Variants in CLIC5 observed in about 807,000 individuals in gnomAD.
CLIC5 encodes the protein chloride intracellular channel protein 5.
CLIC5 carries 20 observed loss-of-function variants against 24.7 expected under a neutral mutation model. The ratio of observed to expected loss-of-function variants is 0.81; its 90% CI spans 0.57 to 1.18. CLIC5 has a LOEUF of 1.18. CLIC5 is among the 50% of genes most tolerant of loss of function. CLIC5 has a pLI of 0.00. For missense variants in CLIC5, 341 were observed against 326.1 expected, an observed-to-expected ratio of 1.05 and a Z score of -0.35; for synonymous variants, 159 against 135.6, an observed-to-expected ratio of 1.17 and a Z score of -1.20.
At chr6:46,124,811 C>T in the CLIC5 span, among the ~76,000 whole-genome samples, 2 of 152,096 alleles carry the variant, frequency 1.3e-5, no homozygotes, top group Non-Finnish European at 2.9e-5. Context: ...ACGCAGCCAA[C>T]AGACACATGA....
intron 6 of CLIC5, among the ~76,000 whole-genome samples, chr6:45,889,579 GA>G (rs759983174): frequency 4.6e-5 from 7 of 152,152 alleles, no homozygotes; most frequent in Non-Finnish European, 1.0e-4. Context: ...GAACAATCTG[GA>G]AAAAGTACAA....
At chr6:46,081,661 C>T (rs1762921812), upstream of CLIC5, among the ~76,000 whole-genome samples, 1 of 152,134 alleles carries the variant, frequency 6.6e-6, no homozygotes, top group Admixed American at 6.5e-5. Flanking sequence ...GAATGGATTC[C>T]AGTTCAAATC....
At chr6:45,906,975 G>T in intron 5 of CLIC5, among the ~76,000 whole-genome samples, 1 of 152,214 alleles carries the variant, frequency 6.6e-6, no homozygotes, top group Admixed American at 6.5e-5. Context: ...TAAAGAGAGA[G>T]AATGTGACTT....
At chr6:46,129,791 T>C in the CLIC5 span, 7 of 152,302 alleles carry the variant, frequency 4.6e-5, no homozygotes, top group East Asian at 7.7e-4. Context: ...ATACGAAAAG[T>C]GCGTGGTGGG....
At chr6:45,977,159 C>T (rs1561978594) in intron 1 of CLIC5, among the ~76,000 whole-genome samples, 1 of 151,968 alleles carries the variant, frequency 6.6e-6, no homozygotes, top group African/African-American at 2.4e-5. Flanking sequence ...CCTTGAATAA[C>T]AAGGATTATA....
intron 1 of CLIC5, among the ~76,000 whole-genome samples, chr6:45,956,220 A>C (rs1764636738): frequency 1.3e-5 from 2 of 152,212 alleles, no homozygotes; most frequent in African/African-American, 4.8e-5. Context: ...CAAACAAAAA[A>C]GGTTGGGGAA....
chr6:46,114,226 G>C, the CLIC5 span, among the ~76,000 whole-genome samples: 1 of 152,054 alleles, frequency 6.6e-6, no homozygotes, highest in East Asian at 1.9e-4. Context: ...TCTTTGTCTA[G>C]TTTGTCCGCT....
chr6:46,093,235 C>T, the CLIC5 span, among the ~76,000 whole-genome samples: 2 of 152,276 alleles, frequency 1.3e-5, no homozygotes, highest in South Asian at 2.1e-4. Context: ...TACCTGGTCC[C>T]GGCTTACCAC....
intron 1 of CLIC5, among the ~76,000 whole-genome samples, chr6:46,048,081 C>T (rs1165547130): frequency 5.3e-5 from 8 of 150,992 alleles, no homozygotes; most frequent in Admixed American, 5.3e-4. Context: ...TGGCTCACTG[C>T]AACCTCTACA....
downstream of CLIC5, among the ~76,000 whole-genome samples, chr6:45,894,052 T>G (rs1277499043): frequency 6.6e-6 from 1 of 152,164 alleles, no homozygotes; most frequent in African/African-American, 2.4e-5. Flanking sequence ...AGCACACTTG[T>G]GTCTAAGAGA....
rs140955346 is a variant in CLIC5, at chr6:46,064,340, T to C, written c.540+15363A>G. 6.4e-3 allele frequency among the ~76,000 whole-genome samples: 965 copies of C among 150,148 alleles called. 9 individuals carry two copies. The highest frequency in any genetic ancestry group is 0.022 in the African/African-American group (910 of 40,888). On this transcript the variant is annotated intron_variant, in intron 1 of 5. Transcript: ENST00000185206. Reference sequence around the variant, plus strand: ...TCTCTAGTAAAGATAGTTTTACTAGTGAATTCTACCAAACTATTAGGGAAG... The same window carrying C: ...TCTCTAGTAAAGATAGTTTTACTAGCGAATTCTACCAAACTATTAGGGAAG...
At chr6:45,886,567 T>C (rs1762307793) in intron 6 of CLIC5, among the ~76,000 whole-genome samples, 1 of 152,142 alleles carries the variant, frequency 6.6e-6, no homozygotes, top group Non-Finnish European at 1.5e-5. Flanking sequence ...GGCGTTTGAT[T>C]TATGCTTTTT....
chr6:45,937,169 G>A (rs1361173128), intron 4 of CLIC5, among the ~76,000 whole-genome samples: 1 of 152,180 alleles, frequency 6.6e-6, no homozygotes, highest in Non-Finnish European at 1.5e-5. Flanking sequence ...TTAAAAAGTA[G>A]AAAATAGACT....
chr6:45,922,049 A>G (rs1055940407), intron 4 of CLIC5, among the ~76,000 whole-genome samples: 1 of 151,536 alleles, frequency 6.6e-6, no homozygotes, highest in Non-Finnish European at 1.5e-5. Context: ...AGCAAAATGC[A>G]ATGGCAACTT....
At chr6:45,986,821 G>C (rs948166745) in intron 1 of CLIC5, among the ~76,000 whole-genome samples, 1 of 152,218 alleles carries the variant, frequency 6.6e-6, no homozygotes, top group Non-Finnish European at 1.5e-5. Flanking sequence ...TAAACCACTT[G>C]TGGGGTCACT....
chr6:46,015,834 G>A lies in CLIC5; in HGVS notation c.-292C>T. 1 of 1,143,102 alleles carries A rather than the reference G, an allele frequency of 8.7e-7. No individual in the cohort carries two copies. The highest frequency in any genetic ancestry group is 4.3e-5 in the South Asian group (1 of 22,994). The allele number at this position is 1,143,102 out of a possible 1,614,324, so 70.8% of individuals were successfully genotyped here. A position where few individuals can be genotyped will look rare whatever the true frequency, so the allele number is the denominator to read the frequency against. On this transcript the variant is annotated 5_prime_UTR_variant, in exon 1 of 6. Coordinates refer to ENST00000339561, the MANE Select transcript of CLIC5 (RefSeq NM_016929.5). ...AGCAACAAGTGCCGGGCTGCCCGGA[G>A]GTGTCACAGGATCCGCGACTGTCAG...
At chr6:46,077,339 A>G (rs574766499) in intron 1 of CLIC5, among the ~76,000 whole-genome samples, 3 of 152,110 alleles carry the variant, frequency 2.0e-5, no homozygotes, top group East Asian at 1.9e-4. Context: ...ACAAGTATCA[A>G]TGCAGCCCAG....
intron 1 of CLIC5, among the ~76,000 whole-genome samples, chr6:45,988,316 A>C (rs13210197): frequency 1.3e-5 from 2 of 152,120 alleles, no homozygotes; most frequent in Admixed American, 1.3e-4. Flanking sequence ...TTGATATCCC[A>C]CCTTCTTAGC....
At chr6:45,962,826 G>T (rs1764895855) in intron 1 of CLIC5, among the ~76,000 whole-genome samples, 1 of 152,126 alleles carries the variant, frequency 6.6e-6, no homozygotes, top group Non-Finnish European at 1.5e-5. Flanking sequence ...GGTGGCTTTG[G>T]GCCCAAGGCT....
Sources: gnomAD v4.1 joint callset for allele counts (sites outside exome capture counted in the v4.1 genomes callset) on GRCh38, gnomAD v4.1.1 for gene constraint, MANE v1.5 for transcripts, NCBI Gene and HGNC (gene_info 2026-07-23, HGNC 2026-07-21) for gene names.